MICU1: variants seen among roughly 807,000 people sequenced by gnomAD.
MICU1 encodes mitochondrial calcium uptake 1, also known as calcium uptake protein 1, mitochondrial.
In MICU1, 45 loss-of-function variants were observed where a neutral mutation model predicts 56.8. That is an observed-to-expected ratio of 0.79 (90% CI 0.62 to 1.02). The LOEUF (loss-of-function observed/expected upper bound fraction) is 1.02, where lower values mean the gene tolerates loss of function less well. MICU1 is among the 50% of genes least tolerant of loss of function. MICU1 has a pLI of 0.00. For missense variants in MICU1, 504 were observed against 587.1 expected (o/e 0.86, Z 1.46); for synonymous variants, 186 against 195.1 (o/e 0.95, Z 0.39).
At chr10:72,580,241 A>G (rs1438170765) in intron 1 of MICU1, among the ~76,000 whole-genome samples, 1 of 152,116 alleles carries the variant, frequency 6.6e-6, no homozygotes, top group Admixed American at 6.6e-5. Context: ...ATGTAAAATA[A>G]TATGTCTAGG....
Position 72,500,257 on chromosome 10 carries a change from CATACATATATATATAT to C in MICU1, c.652+7882_652+7897del, listed in dbSNP as rs1445933241. Among the ~76,000 whole-genome samples the C allele has an allele frequency of 1.8e-3, 88 of 47,790 alleles. 1 individual carries two copies. Among genetic ancestry groups the C allele is most frequent in the African/African-American group, 6.2e-3 (82 of 13,248 alleles). 31.4% of individuals were successfully genotyped at this position (47,790 alleles called of 152,430 possible). The stretch of plus-strand genomic sequence containing the variant: ...TGATAAACTATTATATACATACATA[CATACATATATATATAT>C]ATATATATATATATATATATATATA... On this transcript the variant is annotated intron_variant, in intron 6 of 11. Coordinates refer to ENST00000361114, the MANE Select transcript of MICU1 (RefSeq NM_001195518.2).
chr10:72,391,676 CG>C (rs1358731615), intron 10 of MICU1, among the ~76,000 whole-genome samples: 2 of 151,268 alleles, frequency 1.3e-5, no homozygotes, highest in Non-Finnish European at 2.9e-5. Flanking sequence ...CAATAAATTA[CG>C]TTGGAAAAAT....
chr10:72,606,077 G>A (rs1841680763), intron 1 of MICU1, among the ~76,000 whole-genome samples: 3 of 149,640 alleles, frequency 2.0e-5, no homozygotes, highest in East Asian at 3.9e-4. Flanking sequence ...GTTGCAGTGA[G>A]CCAAGATTGC....
At chr10:72,450,437 C>T (rs1444627794) in intron 8 of MICU1, among the ~76,000 whole-genome samples, 1 of 151,812 alleles carries the variant, frequency 6.6e-6, no homozygotes, top group Non-Finnish European at 1.5e-5. Flanking sequence ...GAGACAGAGA[C>T]AGGTGGTCAG....
chr10:72,492,623 T>C (rs1301903456), intron 6 of MICU1, among the ~76,000 whole-genome samples: 1 of 148,824 alleles, frequency 6.7e-6, no homozygotes, highest in Non-Finnish European at 1.5e-5. Flanking sequence ...ATTAGCTGGG[T>C]GTGGTGGCAT....
At chr10:72,455,171 G>A (rs1043972842) in intron 8 of MICU1, among the ~76,000 whole-genome samples, 3 of 151,806 alleles carry the variant, frequency 2.0e-5, no homozygotes, top group Non-Finnish European at 4.4e-5. Context: ...CCAACATGGC[G>A]AAACCCCGTT....
chr10:72,592,003 C>T (rs1841238893), intron 1 of MICU1, among the ~76,000 whole-genome samples: 1 of 150,792 alleles, frequency 6.6e-6, no homozygotes, highest in African/African-American at 2.4e-5. Context: ...AAGTGAGGCC[C>T]TGGTTTTTTT....
intron 6 of MICU1, among the ~76,000 whole-genome samples, chr10:72,493,290 A>C (rs753643468): frequency 5.3e-5 from 8 of 152,272 alleles, no homozygotes; most frequent in Admixed American, 2.6e-4. Flanking sequence ...CATCATTATG[A>C]ATATTTTTCT....
intron 10 of MICU1, among the ~76,000 whole-genome samples, chr10:72,386,072 C>T (rs961122045): frequency 3.3e-5 from 5 of 152,234 alleles, no homozygotes; most frequent in Non-Finnish European, 7.3e-5. Flanking sequence ...CCCCCAACAA[C>T]ACTGCGATTT....
rs1840337677 is a variant in MICU1 at position 72,562,986 on chromosome 10, C to T, written c.239G>A (p.Gly80Glu). Residue 80 changes from glycine to glutamate, a missense_variant, in exon 3 of 12, where the codon GGG becomes GAG. Physicochemically the swap from Gly to Glu is moderately conservative, Grantham distance 98. Coordinates refer to ENST00000361114, the MANE Select transcript of MICU1 (RefSeq NM_001195518.2). ...IGDKGKNKDEGDVCNHEKKTA... is the reference protein window; with the variant it reads ...IGDKGKNKDEEDVCNHEKKTA... ...CTTTTTCTCATGGTTACAAACATCC[C>T]CTTCATCTTTATTCTTCCCTTTATC... is the stretch of plus-strand genomic sequence containing the variant. 2.5e-6 allele frequency: 4 copies of T among 1,609,244 alleles called. No individual in the cohort carries two copies. Among genetic ancestry groups the T allele is most frequent in the South Asian group, 1.1e-5 (1 of 89,870 alleles).
chr10:72,582,283 A>G (rs1246203764), intron 1 of MICU1, among the ~76,000 whole-genome samples: 1 of 152,232 alleles, frequency 6.6e-6, no homozygotes, highest in Admixed American at 6.5e-5. Context: ...ATTTAAGCAA[A>G]TCATAATCTA....
chr10:72,420,048 A>G (rs1164319290), intron 9 of MICU1, among the ~76,000 whole-genome samples: 2 of 152,082 alleles, frequency 1.3e-5, no homozygotes, highest in Non-Finnish European at 2.9e-5. Context: ...GCCTGCCACA[A>G]CGTAAGACGT....
intron 5 of MICU1, among the ~76,000 whole-genome samples, chr10:72,522,179 G>T (rs1331109599): frequency 6.6e-6 from 1 of 152,014 alleles, no homozygotes; most frequent in Non-Finnish European, 1.5e-5. Context: ...TACTCTTATA[G>T]AACTTTATTT....
At chr10:72,585,994 A>ATTTTTTATTTTTTTTTTTT (rs1276935862) in intron 1 of MICU1, among the ~76,000 whole-genome samples, 1 of 100,206 alleles carries the variant, frequency 1.0e-5, no homozygotes, top group Non-Finnish European at 2.1e-5. Flanking sequence ...TATTGTTTTT[A>ATTTTTTATTTTTTTTTTTT]TTTTTTCTTT....
chr10:72,542,826 C>T (rs6480626), intron 4 of MICU1, among the ~76,000 whole-genome samples: 1 of 151,998 alleles, frequency 6.6e-6, no homozygotes, highest in African/African-American at 2.4e-5. Context: ...GTCGCACGAA[C>T]AAATTGAAAG....
rs1375916596 is a variant in MICU1, at chr10:72,368,296, C to T, written c.1330G>A (p.Gly444Ser). 1 of 1,613,874 alleles carries T rather than the reference C, an allele frequency of 6.2e-7. No individual in the cohort carries two copies. Among genetic ancestry groups the T allele is most frequent in the African/African-American group, 1.3e-5 (1 of 74,900 alleles). The change falls in exon 12 of 12, where the codon GGC becomes AGC. Residue 444 changes from glycine (G) to serine (S), a missense_variant. Coordinates refer to ENST00000361114, the MANE Select transcript of MICU1 (RefSeq NM_001195518.2). The part of the protein sequence containing the change: ...VSIMKQRLMR[G>S]LEKPKDMGFT... ...CCCATGTCTTTGGGCTTTTCCAGGC[C>T]TCTCATCAGCCGTTGCTTCATGATG...
chr10:72,606,706 G>T (rs1209141119), intron 1 of MICU1, among the ~76,000 whole-genome samples: 1 of 151,930 alleles, frequency 6.6e-6, no homozygotes. Context: ...ATGACTGATG[G>T]TAGGGTTGGG....
At chr10:72,523,985 G>A (rs1174764732) in intron 5 of MICU1, 3 of 1,277,718 alleles carry the variant, frequency 2.3e-6, no homozygotes, top group Admixed American at 3.9e-5. Context: ...TGAGCAAAGT[G>A]CAACCAAGCA....
chr10:72,577,844 T>C (rs1840789813), intron 1 of MICU1, among the ~76,000 whole-genome samples: 1 of 152,170 alleles, frequency 6.6e-6, no homozygotes, highest in South Asian at 2.1e-4. Flanking sequence ...ATGAACTTTG[T>C]TCTTCTGGAT....
Sources: gnomAD v4.1 joint callset for allele counts (sites outside exome capture counted in the v4.1 genomes callset) on GRCh38, gnomAD v4.1.1 for gene constraint, MANE v1.5 for transcripts, NCBI Gene and HGNC (gene_info 2026-07-23, HGNC 2026-07-21) for gene names.